The following PTPRM variants were observed in gnomAD, a reference collection of about 807,000 sequenced individuals.
PTPRM encodes the protein protein tyrosine phosphatase receptor type M, also known as receptor-type tyrosine-protein phosphatase mu.
Under a neutral mutation model 186.7 loss-of-function variants are expected in PTPRM, and 47 were observed. That is an observed-to-expected ratio of 0.25 (90% confidence interval 0.20 to 0.32). The LOEUF is 0.32. PTPRM is among the 10% of genes least tolerant of loss of function. PTPRM has a pLI of 1.00. For synonymous variants in PTPRM, 668 were observed against 674.9 expected, an observed-to-expected ratio of 0.99 and a Z score of 0.16; for missense variants, 1,494 against 1,865.0, an observed-to-expected ratio of 0.80 and a Z score of 3.66.
intron 1 of PTPRM, among the ~76,000 whole-genome samples, chr18:7,621,526 G>A (rs1209437957): frequency 2.0e-5 from 3 of 152,114 alleles, no homozygotes; most frequent in African/African-American, 7.2e-5. Context: ...TGAACATTAT[G>A]TGGGTTTGGA....
At chr18:7,739,150 T>C (rs1210554522) in intron 1 of PTPRM, among the ~76,000 whole-genome samples, 1 of 152,182 alleles carries the variant, frequency 6.6e-6, no homozygotes, top group East Asian at 1.9e-4. Flanking sequence ...CAGTTTTTTT[T>C]TTCTAATTTT....
intron 1 of PTPRM, among the ~76,000 whole-genome samples, chr18:7,658,357 T>TATATATATATATATATATATAC (rs1555647615): frequency 7.2e-6 from 1 of 138,106 alleles, no homozygotes; most frequent in African/African-American, 2.9e-5. Flanking sequence ...TATATATATA[T>TATATATATATATATATATATAC]ATACATACAC....
At chr18:8,366,013 T>C (rs554851513) in intron 23 of PTPRM, among the ~76,000 whole-genome samples, 3 of 152,354 alleles carry the variant, frequency 2.0e-5, no homozygotes, top group South Asian at 4.1e-4. Flanking sequence ...AATAAACTAC[T>C]GATACCTCTG....
intron 7 of PTPRM, among the ~76,000 whole-genome samples, chr18:7,999,429 T>C (rs930525115): frequency 6.6e-6 from 1 of 152,014 alleles, no homozygotes; most frequent in African/African-American, 2.4e-5. Context: ...GATGATAGTA[T>C]CAGTATAGGC....
intron 1 of PTPRM, among the ~76,000 whole-genome samples, chr18:7,760,130 G>A (rs1598553730): frequency 6.6e-6 from 1 of 152,086 alleles, no homozygotes; most frequent in Admixed American, 6.5e-5. Context: ...TTCTGCTGCC[G>A]CTTCTCTTTT....
chr18:8,241,225 C>T (rs1408216335), intron 14 of PTPRM, among the ~76,000 whole-genome samples: 1 of 152,164 alleles, frequency 6.6e-6, no homozygotes, highest in Non-Finnish European at 1.5e-5. Flanking sequence ...GTAGTCTCAA[C>T]TACTTGTTAG....
intron 7 of PTPRM, among the ~76,000 whole-genome samples, chr18:8,045,806 G>A (rs1037926554): frequency 3.9e-5 from 6 of 152,124 alleles, no homozygotes; most frequent in African/African-American, 1.2e-4. Flanking sequence ...TTACATGGGT[G>A]GATTTTATGA....
intron 1 of PTPRM, among the ~76,000 whole-genome samples, chr18:7,612,179 G>A (rs574408434): frequency 2.7e-5 from 4 of 149,460 alleles, no homozygotes; most frequent in African/African-American, 9.8e-5. Context: ...TATGTGCTCT[G>A]TGTGTGTGTG....
chr18:7,628,033 G>C (rs2144045570), intron 1 of PTPRM, among the ~76,000 whole-genome samples: 1 of 152,226 alleles, frequency 6.6e-6, no homozygotes, highest in Non-Finnish European at 1.5e-5. Context: ...ACATGACAAA[G>C]ATACCATTTC....
chr18:8,292,284 C>G (rs1286682816), intron 19 of PTPRM, among the ~76,000 whole-genome samples: 1 of 152,176 alleles, frequency 6.6e-6, no homozygotes, highest in Non-Finnish European at 1.5e-5. Context: ...CCATAACATT[C>G]AAAACTGGAT....
intron 1 of PTPRM, among the ~76,000 whole-genome samples, chr18:7,628,017 A>T (rs143694708): frequency 5.3e-5 from 8 of 152,174 alleles, no homozygotes; most frequent in African/African-American, 9.7e-5. Flanking sequence ...GAATTTTTAG[A>T]TGGCCACATG....
chr18:7,834,117 A>G lies in PTPRM; in HGVS notation c.197-53989A>G, dbSNP rs930318024. Among the ~76,000 whole-genome samples, 49 of 151,868 alleles carry G rather than the reference A, an allele frequency of 3.2e-4. 2 individuals carry two copies. Among genetic ancestry groups the G allele is most frequent in the Non-Finnish European group, 2.9e-5 (2 of 67,970 alleles). The stretch of plus-strand genomic sequence containing the variant: ...TAAGGTATGTTCCTTCTGTACTCAG[A>G]TTTTTCTATGATTTTTATCATGAAG... On this transcript the variant is annotated intron_variant, in intron 2 of 32. Coordinates refer to ENST00000580170, the MANE Select transcript of PTPRM (RefSeq NM_001105244.2).
At chr18:7,712,232 T>C (rs605077) in intron 1 of PTPRM, among the ~76,000 whole-genome samples, 94,897 of 151,948 alleles carry the variant, frequency 0.62, 31,221 homozygotes, top group East Asian at 0.99. Flanking sequence ...CTGGAGCGGA[T>C]CTCCAGCAAA....
intron 7 of PTPRM, among the ~76,000 whole-genome samples, chr18:7,958,770 C>A (rs2053481938): frequency 6.6e-6 from 1 of 152,136 alleles, no homozygotes; most frequent in African/African-American, 2.4e-5. Context: ...TGAAGGTCTG[C>A]TATTACATTT....
At chr18:8,124,719 G>A (rs534675) in intron 13 of PTPRM, among the ~76,000 whole-genome samples, 130,903 of 152,194 alleles carry the variant, frequency 0.86, 56,995 homozygotes, top group East Asian at 0.93. Context: ...GGAAGTGGTC[G>A]GTGTGACAGC....
At chr18:7,877,833 G>A (rs1276937732) in intron 2 of PTPRM, among the ~76,000 whole-genome samples, 1 of 152,100 alleles carries the variant, frequency 6.6e-6, no homozygotes, top group South Asian at 2.1e-4. Flanking sequence ...GTTTATGGAC[G>A]AACTGACTCA....
At chr18:7,652,886 TA>T (rs1410815949) in intron 1 of PTPRM, among the ~76,000 whole-genome samples, 2 of 151,978 alleles carry the variant, frequency 1.3e-5, no homozygotes, top group African/African-American at 4.8e-5. Flanking sequence ...ACATGTACCC[TA>T]AAACTTAAAG....
chr18:7,988,380 TA>T (rs1282282481), intron 7 of PTPRM, among the ~76,000 whole-genome samples: 2 of 152,198 alleles, frequency 1.3e-5, no homozygotes, highest in African/African-American at 2.4e-5. Context: ...AAAAGGGCTT[TA>T]AAATTTTTTA....
intron 7 of PTPRM, among the ~76,000 whole-genome samples, chr18:8,057,455 CTT>C (rs536872014): frequency 2.6e-5 from 2 of 78,122 alleles, no homozygotes; most frequent in Admixed American, 1.3e-4. Flanking sequence ...TTTAGCTATT[CTT>C]TTTTTTTTAT....
Sources: allele counts gnomAD v4.1 joint callset (sites outside exome capture counted in the v4.1 genomes callset), GRCh38; gene constraint gnomAD v4.1.1; transcripts MANE v1.5; gene names NCBI Gene and HGNC (gene_info 2026-07-23, HGNC 2026-07-21).